SPTBN5: variants seen among roughly 807,000 people sequenced by gnomAD.
The protein encoded by SPTBN5 is spectrin beta, non-erythrocytic 5, also known as spectrin beta chain, non-erythrocytic 5.
SPTBN5 carries 513 observed loss-of-function variants against 477.6 expected under a neutral mutation model. The observed-to-expected ratio is 1.07, with a 90% CI of 1.00 to 1.16. The LOEUF (loss-of-function observed/expected upper bound fraction) is 1.16. Among genes scored for constraint, SPTBN5 ranks in the 50% most tolerant of loss-of-function variants. The probability of loss-of-function intolerance (pLI) is 0.00; values close to 1 mark genes in which losing one functional copy is unlikely to be tolerated. For missense variants in SPTBN5, 5,062 were observed against 4,731.8 expected (o/e 1.07, Z -2.05); for synonymous variants, 2,169 against 2,011.7 (o/e 1.08, Z -2.09).
At chr15:41,863,173 G>C (rs1172606892) in intron 41 of SPTBN5, among the ~76,000 whole-genome samples, 1 of 152,226 alleles carries the variant, frequency 6.6e-6, no homozygotes, top group Non-Finnish European at 1.5e-5. Context: ...TGAGGAGCGA[G>C]AAAGGAAATA....
rs777413768 is a variant in SPTBN5, at chr15:41,883,133, G to A, written c.1755C>T (p.His585=). 9.9e-6 allele frequency: 16 copies of A among 1,612,522 alleles called. No individual in the cohort carries two copies. Among genetic ancestry groups the A allele is most frequent in the Middle Eastern group, 1.7e-4 (1 of 6,052 alleles). ...HDLLEAQVSA[H]GAHVSHLAQQ... Reference sequence around the variant, plus strand: ...GAGCAAGATGGCTCACATGGGCTCCGTGGGCCGAGACTTGAGCCTCCAGCA... The same window carrying A: ...GAGCAAGATGGCTCACATGGGCTCCATGGGCCGAGACTTGAGCCTCCAGCA... The change falls in exon 9 of 68, where the codon CAC becomes CAT. Residue 585 remains histidine, a synonymous_variant. Transcript: ENST00000320955.
intron 66 of SPTBN5, 80 bp downstream of exon 66, chr15:41,850,774 A>G (rs2065725778): frequency 8.2e-7 from 1 of 1,216,250 alleles, no homozygotes; most frequent in African/African-American, 1.5e-5. Flanking sequence ...CCTCCCTAGG[A>G]TGCATAAAAC....
At position 41,855,072 on chromosome 15, in the gene SPTBN5, C is replaced by T. The variant is rs1366401496; in HGVS notation, c.9424-96G>A. 5 of 1,449,904 alleles carry T rather than the reference C, an allele frequency of 3.4e-6. No individual in the cohort carries two copies. In the African/African-American group the frequency reaches 4.3e-5, roughly 12 times the overall value. The allele number at this position is 1,449,904 out of a possible 1,614,324, so 89.8% of individuals were successfully genotyped here. A position where few individuals can be genotyped will look rare whatever the true frequency, so the allele number is the denominator to read the frequency against. ...CAGCAGACTCTGATGGCTCTGAAAT[C>T]CCTCAGCCCAGGTTCTGGAACCATC... On this transcript the variant is annotated intron_variant, in intron 55 of 67. Transcript: ENST00000320955.
chr15:41,893,456 A>C lies in SPTBN5; in HGVS notation c.42T>G (p.Ala14=), dbSNP rs1291206034. 2 of 1,606,722 alleles carry C rather than the reference A, an allele frequency of 1.2e-6. No individual in the cohort carries two copies. The highest frequency in any genetic ancestry group is 1.7e-6 in the Non-Finnish European group (2 of 1,178,108). Residue 14 remains alanine (A), a synonymous_variant, in exon 2 of 68, where the codon GCT becomes GCG. Coordinates refer to ENST00000320955, the MANE Select transcript of SPTBN5 (RefSeq NM_016642.4). The part of the protein sequence containing the change: ...QPHSPRELLG[A]AGHRSRRPST... ...TGGGCCTCCTGCTGCGGTGCCCTGC[A>C]GCCCCGAGGAGCTCCCGGGGACTGT...
rs1366095736 is a variant in SPTBN5 at position 41,869,880 on chromosome 15, C to G, written c.5814G>C (p.Gln1938His). ...LQRRMEQRRA[Q>H]LERARLLARF... The stretch of plus-strand genomic sequence containing the variant: ...GGGCCAGGAGGCGTGCCCGCTCCAG[C>G]TGGGCCCTGCGCTGCTCCATGCGTC... Residue 1938 changes from glutamine (Q) to histidine (H), a missense_variant, in exon 32 of 68, where the codon CAG (glutamine) becomes CAC (histidine). Physicochemically the swap from Gln to His is conservative, Grantham distance 24. Coordinates refer to ENST00000320955, the MANE Select transcript of SPTBN5 (RefSeq NM_016642.4). 1.9e-6 allele frequency: 3 copies of G among 1,553,272 alleles called. No homozygotes were observed. The highest frequency in any genetic ancestry group is 2.4e-5 in the East Asian group (1 of 42,462).
In SPTBN5 at chr15:41,855,328, G is replaced by A. The variant is rs2065900463; in HGVS notation, c.9319C>T (p.Leu3107=). ...RGHGLQEQLQ[L]HQLERETLLL... The stretch of plus-strand genomic sequence containing the variant: ...AGGGTCTCTCGCTCCAGCTGGTGTA[G>A]CTGCAGCTGCTCCTGCAGGCCGTGC... The change falls in exon 55 of 68, where the codon CTA becomes TTA. Residue 3107 remains leucine (L), a synonymous_variant. Transcript: ENST00000320955. The A allele has an allele frequency of 6.2e-7, 1 of 1,608,622 alleles. No homozygotes were observed. Among genetic ancestry groups the A allele is most frequent in the Non-Finnish European group, 8.5e-7 (1 of 1,179,752 alleles).
At position 41,872,327 on chromosome 15, in the gene SPTBN5, C is replaced by T. The variant is rs1286219248; in HGVS notation, c.5140G>A (p.Ala1714Thr). Residue 1714 changes from alanine (A) to threonine (T), a missense_variant, in exon 27 of 68, where the codon GCA becomes ACA. Ala to Thr is a moderately conservative substitution (Grantham distance 58, BLOSUM62 0). Transcript: ENST00000320955. ...CGTGTGGCCGCCAACTCCTGCAGTGCCCGCAGCTGCTCCCGGAGCCTCTCC... is the reference window on the plus strand; with the variant it reads ...CGTGTGGCCGCCAACTCCTGCAGTGTCCGCAGCTGCTCCCGGAGCCTCTCC... ...VQERLREQLR[A>T]LQELAATRDR... 1 of 1,610,924 alleles carries T rather than the reference C, an allele frequency of 6.2e-7. No individual in the cohort carries two copies. Among genetic ancestry groups the T allele is most frequent in the Non-Finnish European group, 8.5e-7 (1 of 1,179,724 alleles).
intron 56 of SPTBN5, 146 bp downstream of exon 56, chr15:41,854,636 C>A: frequency 1.5e-6 from 1 of 658,656 alleles, no homozygotes; most frequent in South Asian, 2.8e-5. Flanking sequence ...TGGAAGAAAG[C>A]TGAGCAGGTG....
At chr15:41,849,512 A>G (rs1450553819) in intron 67 of SPTBN5, among the ~76,000 whole-genome samples, 3 of 152,122 alleles carry the variant, frequency 2.0e-5, no homozygotes, top group Non-Finnish European at 4.4e-5. Context: ...GTGCATGGGA[A>G]ACAAACCCAG....
At position 41,873,577 on chromosome 15, in the gene SPTBN5, C is replaced by G; in HGVS notation, c.4922G>C (p.Trp1641Ser). The G allele has an allele frequency of 6.4e-7, 1 of 1,552,216 alleles. No homozygotes were observed. Among genetic ancestry groups the G allele is most frequent in the Non-Finnish European group, 8.7e-7 (1 of 1,147,318 alleles). The change falls in exon 26 of 68, where the codon TGG (tryptophan) becomes TCG (serine). Residue 1641 changes from tryptophan (W) to serine (S), a missense_variant. By Grantham distance (177) the Trp-to-Ser change is radical (BLOSUM62 -3). Coordinates refer to ENST00000320955, the MANE Select transcript of SPTBN5 (RefSeq NM_016642.4). ...CACCAGCGGCCGCTTCTCCTCCACC[C>G]AGCCCTCCAGCTCTGACACATCCAG... ...YFLDVSELEGWVEEKRPLVSS... is the reference protein window; with the variant it reads ...YFLDVSELEGSVEEKRPLVSS...
intron 32 of SPTBN5, among the ~76,000 whole-genome samples, chr15:41,869,572 C>T (rs1048097246): frequency 1.3e-5 from 2 of 152,222 alleles, no homozygotes; most frequent in Admixed American, 6.5e-5. Flanking sequence ...CTTTCCTGGG[C>T]AGTTCTTACT....
At position 41,893,074 on chromosome 15, in the gene SPTBN5, CAG is replaced by C. The variant is rs771354131; in HGVS notation, c.217-15_217-14del. 3 of 1,608,746 alleles carry C rather than the reference CAG, an allele frequency of 1.9e-6. No homozygotes were observed. On this transcript the variant is annotated splice_polypyrimidine_tract_variant and intron_variant, in intron 2 of 67. Transcript: ENST00000320955. ...TCTTGATGCCCGCCTGGGGAGGGGA[CAG>C]GGGTAAGTATGGGGTCAGCCCAGCC...
At chr15:41,874,107 T>C in intron 24 of SPTBN5, 62 bp from the exon 25 acceptor site, 1 of 1,528,398 alleles carries the variant, frequency 6.5e-7, no homozygotes, top group South Asian at 1.2e-5. Flanking sequence ...AGCAGAGCCA[T>C]GGATGTGGCT....
At position 41,856,437 on chromosome 15, in the gene SPTBN5, C is replaced by A. The variant is rs1279339625; in HGVS notation, c.8970G>T (p.Arg2990=). 6.3e-7 allele frequency: 1 copy of A among 1,595,752 alleles called. No homozygotes were observed. Among genetic ancestry groups the A allele is most frequent in the East Asian group, 2.3e-5 (1 of 44,234 alleles). The stretch of plus-strand genomic sequence containing the variant: ...GAGCCTGCTGCAGCAGAAGCCGCCT[C>A]CGCGCCGCCTCTGCCCGCAGGTGGG... ...AMAHLRAEAA[R]RRLLLQQAQE... is the part of the protein sequence containing the mutation. The change falls in exon 53 of 68, where the codon CGG becomes CGT. Residue 2990 remains arginine, a synonymous_variant. Transcript: ENST00000320955.
chr15:41,867,344 G>T (rs917173099), intron 35 of SPTBN5, among the ~76,000 whole-genome samples, 194 bp downstream of exon 35: 1 of 152,170 alleles, frequency 6.6e-6, no homozygotes, highest in South Asian at 2.1e-4. Flanking sequence ...GGTCTCTGCA[G>T]TGTGGCCCAT....
At chr15:41,890,317 G>A in intron 3 of SPTBN5, 112 bp from the exon 4 acceptor site, 1 of 722,018 alleles carries the variant, frequency 1.4e-6, no homozygotes, top group Non-Finnish European at 2.4e-6. Context: ...AATCTATCCT[G>A]CCCCAGCTGG....
intron 63 of SPTBN5, 32 bp from the exon 64 acceptor site, chr15:41,851,401 C>G: frequency 6.7e-7 from 1 of 1,495,732 alleles, no homozygotes; most frequent in Non-Finnish European, 9.1e-7. Context: ...GTCGCATGAG[C>G]CACACGCAGG....
At chr15:41,851,594 T>C (rs1172711174) in intron 63 of SPTBN5, among the ~76,000 whole-genome samples, 185 bp downstream of exon 63, 2 of 43,330 alleles carry the variant, frequency 4.6e-5, no homozygotes, top group African/African-American at 1.9e-4. Flanking sequence ...TGGGGGTGGG[T>C]AGGTGGGGGC....
rs2066679766 is a variant in SPTBN5, at chr15:41,875,076, C to G, written c.4288-20G>C. Reference sequence around the variant, plus strand: ...TGCATCCTGGGAGGGACGCATGGAGCTGCATTAGGTTCTCTGTGTACAGCA... The same window carrying G: ...TGCATCCTGGGAGGGACGCATGGAGGTGCATTAGGTTCTCTGTGTACAGCA... On this transcript the variant is annotated intron_variant, in intron 22 of 67. Transcript: ENST00000320955. 1.3e-6 allele frequency: 2 copies of G among 1,595,586 alleles called. No homozygotes were observed. The highest frequency in any genetic ancestry group is 1.3e-5 in the African/African-American group (1 of 74,588).
Sources: allele counts gnomAD v4.1 joint callset (sites outside exome capture counted in the v4.1 genomes callset), GRCh38; gene constraint gnomAD v4.1.1; transcripts MANE v1.5; gene names NCBI Gene and HGNC (gene_info 2026-07-23, HGNC 2026-07-21).